RABGAP1L: variants seen among roughly 807,000 people sequenced by gnomAD.
The protein encoded by RABGAP1L is rab GTPase-activating protein 1-like.
Under a neutral mutation model 137.7 loss-of-function variants are expected in RABGAP1L, and 63 were observed. That is an observed-to-expected ratio of 0.46 (90% confidence interval 0.37 to 0.56). The LOEUF (loss-of-function observed/expected upper bound fraction) is 0.56, where lower values mean the gene tolerates loss of function less well. Among genes scored for constraint, RABGAP1L ranks in the 20% least tolerant of loss-of-function variants. RABGAP1L has a pLI of 0.00. For missense variants in RABGAP1L, 1,095 were observed against 1,244.0 expected (o/e 0.88, Z 1.80); for synonymous variants, 431 against 433.7 (o/e 0.99, Z 0.08).
At chr1:174,694,253 G>C (rs905647363) in intron 15 of RABGAP1L, among the ~76,000 whole-genome samples, 6 of 151,508 alleles carry the variant, frequency 4.0e-5, no homozygotes, top group African/African-American at 1.5e-4. Context: ...CAATGTGCAG[G>C]TTAGTTACAT....
chr1:174,264,380 A>G (rs74674665), intron 7 of RABGAP1L, among the ~76,000 whole-genome samples: 9,210 of 152,134 alleles, frequency 0.061, 976 homozygotes, highest in African/African-American at 0.21. Context: ...GACATTGTTT[A>G]AGCAGTCTTT....
At chr1:174,349,251 C>T (rs1244479647) in intron 11 of RABGAP1L, among the ~76,000 whole-genome samples, 2 of 141,172 alleles carry the variant, frequency 1.4e-5, no homozygotes, top group East Asian at 2.3e-4. Context: ...ACCTCCCTCC[C>T]GGACGGGGCG....
chr1:174,191,004 C>T (rs986365753), intron 1 of RABGAP1L, among the ~76,000 whole-genome samples: 1 of 152,202 alleles, frequency 6.6e-6, no homozygotes, highest in African/African-American at 2.4e-5. Flanking sequence ...AGACTTTAAA[C>T]TCTGAAGTTC....
At chr1:174,687,613 G>A (rs776612465) in intron 15 of RABGAP1L, among the ~76,000 whole-genome samples, 1 of 151,980 alleles carries the variant, frequency 6.6e-6, no homozygotes, top group Admixed American at 6.6e-5. Context: ...AGAAGAATAC[G>A]GACTGGTTTA....
intron 25 of RABGAP1L, 89 bp downstream of exon 25, chr1:174,988,927 C>G (rs1671837693): frequency 1.6e-5 from 19 of 1,198,666 alleles, no homozygotes; most frequent in Non-Finnish European, 1.9e-5. Context: ...CTATCTAGGT[C>G]AGAATTGTAT....
intron 1 of RABGAP1L, among the ~76,000 whole-genome samples, chr1:174,215,457 C>CAAAAAAAAAAA (rs776126975): frequency 8.2e-6 from 1 of 121,722 alleles, no homozygotes. Context: ...AACTCCATCT[C>CAAAAAAAAAAA]AAAAAAAAAA....
chr1:174,548,297 C>T, intron 13 of RABGAP1L: 1 of 1,277,608 alleles, frequency 7.8e-7, no homozygotes, highest in East Asian at 3.0e-5. Context: ...AAGTTGTTTA[C>T]CCTCTTAATT....
rs1163444249 is a variant in RABGAP1L at position 174,969,186 on chromosome 1, T to G, written c.2434-91T>G. ...CTTCTCCTTTTTACACCTTTGAAAG[T>G]TCACTTTGTTGCTTGTTTTTCCTCA... On this transcript the variant is annotated intron_variant, in intron 20 of 25. Transcript: ENST00000681986. 1.1e-5 allele frequency: 11 copies of G among 978,794 alleles called. No homozygotes were observed. In the Admixed American group the frequency reaches 2.2e-4, roughly 19 times the overall value. 60.6% of individuals were successfully genotyped at this position (978,794 alleles called of 1,614,324 possible).
intron 10 of RABGAP1L, among the ~76,000 whole-genome samples, chr1:174,291,004 C>T (rs1373836035): frequency 6.6e-6 from 1 of 152,134 alleles, no homozygotes; most frequent in African/African-American, 2.4e-5. Flanking sequence ...AAGCAAGCCT[C>T]CCACTGCAGC....
intron 13 of RABGAP1L, among the ~76,000 whole-genome samples, chr1:174,439,762 A>T (rs1223392134): frequency 1.3e-5 from 2 of 152,094 alleles, no homozygotes; most frequent in African/African-American, 4.8e-5. Flanking sequence ...TAGCTATTTT[A>T]TGTGCTTTAT....
intron 19 of RABGAP1L, chr1:174,849,523 T>C (rs1261711569): frequency 3.2e-6 from 1 of 312,132 alleles, no homozygotes; most frequent in Non-Finnish European, 6.2e-6. Context: ...TCTATGGCAA[T>C]CCTGAAAAGT....
chr1:174,667,789 A>ATATAT (rs1325862953), intron 14 of RABGAP1L, among the ~76,000 whole-genome samples: 1 of 152,112 alleles, frequency 6.6e-6, no homozygotes, highest in Admixed American at 6.6e-5. Context: ...TGTATCTTCT[A>ATATAT]TATATCTCTC....
At chr1:174,166,904 C>T (rs1181501849) in intron 1 of RABGAP1L, among the ~76,000 whole-genome samples, 1 of 152,168 alleles carries the variant, frequency 6.6e-6, no homozygotes, top group East Asian at 1.9e-4. Context: ...TAGTAAATAA[C>T]TACTTGGTTG....
intron 11 of RABGAP1L, among the ~76,000 whole-genome samples, chr1:174,331,270 T>C (rs1244526304): frequency 6.6e-6 from 1 of 152,134 alleles, no homozygotes; most frequent in Admixed American, 6.5e-5. Flanking sequence ...AAGTGATTGG[T>C]CTGGACAAAG....
intron 13 of RABGAP1L, among the ~76,000 whole-genome samples, chr1:174,493,747 T>A (rs1660481018): frequency 6.9e-6 from 1 of 144,044 alleles, no homozygotes; most frequent in South Asian, 2.2e-4. Flanking sequence ...CCTGACTCCG[T>A]GAGGTTGAGG....
intron 11 of RABGAP1L, among the ~76,000 whole-genome samples, chr1:174,315,333 A>C (rs1271809037): frequency 6.6e-6 from 1 of 151,860 alleles, no homozygotes; most frequent in Non-Finnish European, 1.5e-5. Context: ...TTCTTGTTTC[A>C]GTTGGCATGG....
chr1:174,352,106 C>T (rs1364799276), intron 11 of RABGAP1L, among the ~76,000 whole-genome samples: 1 of 152,162 alleles, frequency 6.6e-6, no homozygotes, highest in Admixed American at 6.5e-5. Context: ...CCACGCCCGG[C>T]CGGGAAGTAC....
intron 13 of RABGAP1L, among the ~76,000 whole-genome samples, chr1:174,537,293 A>G (rs1041699233): frequency 1.3e-5 from 2 of 152,176 alleles, no homozygotes; most frequent in African/African-American, 4.8e-5. Context: ...GAATTTGAGA[A>G]ACATAGAGCT....
At chr1:174,463,649 C>T (rs1656966647) in intron 13 of RABGAP1L, among the ~76,000 whole-genome samples, 1 of 151,826 alleles carries the variant, frequency 6.6e-6, no homozygotes, top group Non-Finnish European at 1.5e-5. Flanking sequence ...TACCCTAAAA[C>T]TTAAAGTATA....
Sources: allele counts gnomAD v4.1 joint callset (sites outside exome capture counted in the v4.1 genomes callset), GRCh38; gene constraint gnomAD v4.1.1; transcripts MANE v1.5; gene names NCBI Gene and HGNC (gene_info 2026-07-23, HGNC 2026-07-21).